The following TMIE variants were observed in gnomAD, a reference collection of about 807,000 sequenced individuals.
The protein encoded by TMIE is transmembrane inner ear expressed protein.
A neutral mutation model predicts 16.8 loss-of-function variants in TMIE; 14 were observed. The observed-to-expected ratio is 0.83, with a 90% CI of 0.55 to 1.30. The LOEUF (loss-of-function observed/expected upper bound fraction) is 1.30. TMIE is among the 50% of genes most tolerant of loss of function. TMIE has a pLI of 0.00. For missense variants in TMIE, 204 were observed against 205.9 expected, an observed-to-expected ratio of 0.99 and a Z score of 0.06; for synonymous variants, 75 against 87.2, an observed-to-expected ratio of 0.86 and a Z score of 0.78.
Position 46,709,209 on chromosome 3 carries a change from G to A in TMIE, c.295G>A (p.Ala99Thr). Reference protein sequence around the residue: ...IEARYLQRKAAKMYTDKLETV... With the variant: ...IEARYLQRKATKMYTDKLETV... Reference sequence around the variant, plus strand: ...AGCCCGGTACCTGCAGCGAAAGGCAGCCAAGATGTACACAGACAAGCTGGA... The same window carrying A: ...AGCCCGGTACCTGCAGCGAAAGGCAACCAAGATGTACACAGACAAGCTGGA... The change falls in exon 3 of 4, where the codon GCC (alanine) becomes ACC (threonine). Residue 99 changes from alanine to threonine, a missense_variant. By Grantham distance (58) the Ala-to-Thr change is moderately conservative. Coordinates refer to ENST00000643606, the MANE Select transcript of TMIE (RefSeq NM_147196.3). 1 of 1,614,186 alleles carries A rather than the reference G, an allele frequency of 6.2e-7. No individual in the cohort carries two copies. Among genetic ancestry groups the A allele is most frequent in the Non-Finnish European group, 8.5e-7 (1 of 1,180,040 alleles).
upstream of TMIE, among the ~76,000 whole-genome samples, chr3:46,694,212 C>G (rs1575463350): frequency 1.3e-5 from 2 of 152,236 alleles, no homozygotes; most frequent in Non-Finnish European, 2.9e-5. Context: ...CCACGGCCGG[C>G]CGCCCCTCCT....
intron 3 of TMIE, 151 bp downstream of exon 3, chr3:46,709,426 A>G (rs1488797456): frequency 6.2e-7 from 1 of 1,602,648 alleles, no homozygotes; most frequent in Non-Finnish European, 8.5e-7. Flanking sequence ...ATTGGTTGGC[A>G]TGAGGCAAAT....
At position 46,709,820 on chromosome 3, in the gene TMIE, C is replaced by T. The variant is rs1448945787; in HGVS notation, c.*132C>T. On this transcript the variant is annotated 3_prime_UTR_variant, in exon 4 of 4. Coordinates refer to ENST00000643606, the MANE Select transcript of TMIE (RefSeq NM_147196.3). ...AGAGAGGGAAGCTGAGGCCCATGGC[C>T]ACATCCTCATGGCCCATCAGGGGCA... The T allele has an allele frequency of 6.5e-7, 1 of 1,544,720 alleles. No individual in the cohort carries two copies. Among genetic ancestry groups the T allele is most frequent in the Non-Finnish European group, 8.8e-7 (1 of 1,139,834 alleles).
chr3:46,701,650 G>T lies in TMIE; in HGVS notation c.93+70G>T. 1 of 1,175,438 alleles carries T rather than the reference G, an allele frequency of 8.5e-7. No individual in the cohort carries two copies. The highest frequency in any genetic ancestry group is 1.1e-6 in the Non-Finnish European group (1 of 926,052). 72.8% of individuals were successfully genotyped at this position (1,175,438 alleles called of 1,614,324 possible). A position where few individuals can be genotyped will look rare whatever the true frequency, so the allele number is the denominator to read the frequency against. Reference sequence around the variant, plus strand: ...GGCAGGGGGCTGGGGGAGAGGGGACGCCTTTTTGATCCGGAGCTTGTTTGA... The same window carrying T: ...GGCAGGGGGCTGGGGGAGAGGGGACTCCTTTTTGATCCGGAGCTTGTTTGA... On this transcript the variant is annotated intron_variant, in intron 1 of 3. Transcript: ENST00000643606. This position sits in a 1 kb window ranked among gnomAD's most constrained non-coding sequence, Gnocchi z 4.3.
chr3:46,697,009 G>A (rs147148543), upstream of TMIE, among the ~76,000 whole-genome samples: 92 of 152,296 alleles, frequency 6.0e-4, no homozygotes, highest in African/African-American at 2.2e-3. Flanking sequence ...TGGAGGCAAA[G>A]GCTGAGGTGG....
In TMIE at chr3:46,709,589, GAA is replaced by G; in HGVS notation, c.373_374del (p.Lys125GlufsTer20). 1.7e-6 allele frequency: 1 copy of G among 590,606 alleles called. No individual in the cohort carries two copies. The highest frequency in any genetic ancestry group is 2.4e-6 in the Non-Finnish European group (1 of 417,524). 36.6% of individuals were successfully genotyped at this position (590,606 alleles called of 1,614,324 possible). A position where few individuals can be genotyped will look rare whatever the true frequency, so the allele number is the denominator to read the frequency against. On this transcript the variant is annotated frameshift_variant, in exon 4 of 4. Coordinates refer to ENST00000643606, the MANE Select transcript of TMIE (RefSeq NM_147196.3). LOFTEE classifies it high-confidence loss of function. ...CCCCCTGCCCCACAGAGGATAAGAA[GAA>G]GAAGAAGAAGAAGAAGAAGGACAGT... ...LTEVPGEDKK[K>X]KKKKKKDSVD...
chr3:46,707,737 C>A (rs7641494), intron 2 of TMIE, among the ~76,000 whole-genome samples: 7,957 of 152,248 alleles, frequency 0.052, 733 homozygotes, highest in African/African-American at 0.18. Flanking sequence ...TGTTTGAGCC[C>A]GGCTCTGGCT....
At chr3:46,706,799 G>A (rs1294269062) in intron 2 of TMIE, among the ~76,000 whole-genome samples, 4 of 152,192 alleles carry the variant, frequency 2.6e-5, no homozygotes, top group East Asian at 3.9e-4. Context: ...GCAGCCTCAC[G>A]CAGGGTCTCA....
chr3:46,704,513 AGACGCCCAGGGCAGGACCG>A (rs1473775906), intron 1 of TMIE, among the ~76,000 whole-genome samples: 34 of 120,302 alleles, frequency 2.8e-4, no homozygotes, highest in East Asian at 5.8e-4. Context: ...CGTGTCCCCT[AGACGCCCAGGGCAGGACCG>A]TGTCCCCTAG....
chr3:46,696,037 C>T (rs944731569), intron 1 of TMIE, among the ~76,000 whole-genome samples: 1 of 152,162 alleles, frequency 6.6e-6, no homozygotes, highest in Non-Finnish European at 1.5e-5. Flanking sequence ...GCAGCACAGC[C>T]AAGGGCCCCT....
chr3:46,701,420 G>A lies in TMIE; in HGVS notation c.-68G>A. 1 of 1,315,960 alleles carries A rather than the reference G, an allele frequency of 7.6e-7. No individual in the cohort carries two copies. Among genetic ancestry groups the A allele is most frequent in the Non-Finnish European group, 1.0e-6 (1 of 991,410 alleles). The allele number at this position is 1,315,960 out of a possible 1,614,324, so 81.5% of individuals were successfully genotyped here. A position where few individuals can be genotyped will look rare whatever the true frequency, so the allele number is the denominator to read the frequency against. On this transcript the variant is annotated 5_prime_UTR_variant, in exon 1 of 4. Coordinates refer to ENST00000643606, the MANE Select transcript of TMIE (RefSeq NM_147196.3). The surrounding 1 kb of genome is among the most constrained non-coding windows in gnomAD (Gnocchi z 4.3). ...AGCCCGTGGCCACCGAGCGCCGGCT[G>A]GCAGGGGCAGTGACCGGCGGCCGGC... is the stretch of plus-strand genomic sequence containing the variant.
Position 46,710,367 on chromosome 3 carries a change from T to A in TMIE, c.*679T>A, listed in dbSNP as rs1297991438. 1 of 159,814 alleles carries A rather than the reference T, an allele frequency of 6.3e-6. No homozygotes were observed. The highest frequency in any genetic ancestry group is 1.8e-4 in the East Asian group (1 of 5,548). The allele number at this position is 159,814 out of a possible 1,614,324, so 9.9% of individuals were successfully genotyped here. On this transcript the variant is annotated 3_prime_UTR_variant, in exon 4 of 4. Coordinates refer to ENST00000643606, the MANE Select transcript of TMIE (RefSeq NM_147196.3). ...GCTGAGGCTGCTGCCAGGCCCGGCA[T>A]GAGGCCCCGAGGCTCGAGCTCGGGG...
chr3:46,704,345 C>T (rs868859593), intron 1 of TMIE, among the ~76,000 whole-genome samples: 16 of 144,696 alleles, frequency 1.1e-4, no homozygotes, highest in Admixed American at 3.5e-4. Context: ...AGGAACATGT[C>T]CCCTAGACAC....
chr3:46,709,655 G>A lies in TMIE; in HGVS notation c.438G>A (p.Lys146=), dbSNP rs749518420. 2 of 1,613,866 alleles carry A rather than the reference G, an allele frequency of 1.2e-6. No individual in the cohort carries two copies. The highest frequency in any genetic ancestry group is 1.7e-6 in the Non-Finnish European group (2 of 1,179,972). ...TVAIKVEEDE[K]NEAKKKKGEK ...CCATCAAAGTAGAGGAGGATGAGAA[G>A]AATGAGGCCAAGAAGAAGAAAGGAG... is the stretch of plus-strand genomic sequence containing the variant. Residue 146 remains lysine (K), a synonymous_variant, in exon 4 of 4, where the codon AAG becomes AAA. Transcript: ENST00000643606.
At chr3:46,701,346 C>A, upstream of TMIE, 1 of 616,798 alleles carries the variant, frequency 1.6e-6, no homozygotes, top group South Asian at 2.5e-5. The surrounding 1 kb of genome is among the most constrained non-coding windows in gnomAD (Gnocchi z 4.3). Context: ...GGCGCGGGAA[C>A]CTGACACCGA....
intron 1 of TMIE, among the ~76,000 whole-genome samples, chr3:46,696,067 GTGTAT>G (rs1700409682): frequency 6.6e-6 from 1 of 152,156 alleles, no homozygotes; most frequent in African/African-American, 2.4e-5. Flanking sequence ...CACCACAGAT[GTGTAT>G]ACCCACCCAC....
chr3:46,707,386 A>G (rs1334867229), intron 2 of TMIE, among the ~76,000 whole-genome samples: 2 of 152,254 alleles, frequency 1.3e-5, no homozygotes, highest in Non-Finnish European at 2.9e-5. Context: ...TAGAAAGGGT[A>G]AAGGATAGTC....
chr3:46,707,118 C>T (rs781007023), intron 2 of TMIE, among the ~76,000 whole-genome samples: 2 of 152,216 alleles, frequency 1.3e-5, no homozygotes, highest in Non-Finnish European at 2.9e-5. Context: ...TTTGTGGAGG[C>T]CCCACAGACA....
upstream of TMIE, among the ~76,000 whole-genome samples, chr3:46,694,110 G>A (rs772109071): frequency 6.6e-6 from 1 of 152,182 alleles, no homozygotes; most frequent in Non-Finnish European, 1.5e-5. Flanking sequence ...AGTCACAGAA[G>A]CCAGCACACG....
Sources: gnomAD v4.1 joint callset for allele counts (sites outside exome capture counted in the v4.1 genomes callset) on GRCh38, gnomAD v4.1.1 for gene constraint, Gnocchi (gnomAD v3.1) non-coding constraint, MANE v1.5 for transcripts, NCBI Gene and HGNC (gene_info 2026-07-23, HGNC 2026-07-21) for gene names.